The following CTNNA3 variants were observed in gnomAD, a reference collection of about 807,000 sequenced individuals.
CTNNA3 encodes the protein catenin alpha 3, also known as catenin alpha-3.
In CTNNA3, 76 loss-of-function variants were observed where a neutral mutation model predicts 95.7. The ratio of observed to expected loss-of-function variants is 0.79; its 90% CI spans 0.66 to 0.96. The LOEUF (loss-of-function observed/expected upper bound fraction) is 0.96, where lower values mean the gene tolerates loss of function less well. Ranked by LOEUF, CTNNA3 falls within the 40% of genes least tolerant of loss-of-function variation. The pLI, the probability that CTNNA3 is intolerant of heterozygous loss-of-function variation, is 0.00. For synonymous variants in CTNNA3, 431 were observed against 374.4 expected (o/e 1.15, Z -1.74); for missense variants, 1,191 against 1,089.8 (o/e 1.09, Z -1.31).
intron 7 of CTNNA3, among the ~76,000 whole-genome samples, chr10:66,793,092 A>G (rs1055169804): frequency 2.0e-5 from 3 of 152,130 alleles, no homozygotes; most frequent in Non-Finnish European, 2.9e-5. Context: ...TGGATGTCCA[A>G]TGGTAATCCA....
intron 5 of CTNNA3, among the ~76,000 whole-genome samples, chr10:67,320,364 A>G (rs757487242): frequency 3.9e-5 from 6 of 152,212 alleles, no homozygotes; most frequent in Admixed American, 2.6e-4. Flanking sequence ...AAAAGTTGTT[A>G]TTACTGTTAA....
intron 7 of CTNNA3, among the ~76,000 whole-genome samples, chr10:67,058,846 A>G (rs1412976022): frequency 6.6e-6 from 1 of 152,206 alleles, no homozygotes; most frequent in East Asian, 1.9e-4. Flanking sequence ...TCTTAGACAC[A>G]TATCAATTTC....
intron 5 of CTNNA3, among the ~76,000 whole-genome samples, chr10:67,282,524 C>T (rs1839439809): frequency 6.6e-6 from 1 of 152,164 alleles, no homozygotes; most frequent in African/African-American, 2.4e-5. Context: ...CCCATGGTAA[C>T]CTAAGTCTAC....
intron 11 of CTNNA3, among the ~76,000 whole-genome samples, chr10:66,505,394 T>G (rs1350105757): frequency 1.3e-5 from 2 of 152,222 alleles, no homozygotes; most frequent in Non-Finnish European, 2.9e-5. Flanking sequence ...TAAAGCCATG[T>G]GTACATTTCT....
intron 5 of CTNNA3, among the ~76,000 whole-genome samples, chr10:67,331,701 T>C (rs1181159858): frequency 2.0e-5 from 3 of 152,328 alleles, no homozygotes; most frequent in African/African-American, 7.2e-5. Flanking sequence ...GTATCTTTCC[T>C]AGCCAAACAT....
chr10:66,124,467 C>T (rs925018867), intron 13 of CTNNA3, among the ~76,000 whole-genome samples: 3 of 152,148 alleles, frequency 2.0e-5, no homozygotes, highest in African/African-American at 7.2e-5. Flanking sequence ...CTTCTGAGCC[C>T]TCCAAACCAT....
At chr10:66,504,827 T>C (rs986476545) in intron 11 of CTNNA3, among the ~76,000 whole-genome samples, 3 of 152,188 alleles carry the variant, frequency 2.0e-5, no homozygotes, top group African/African-American at 7.2e-5. Context: ...GAAAATAATA[T>C]GGTTTATTAA....
chr10:66,144,539 G>A (rs2083780053), intron 13 of CTNNA3, among the ~76,000 whole-genome samples: 1 of 151,826 alleles, frequency 6.6e-6, no homozygotes, highest in Non-Finnish European at 1.5e-5. Context: ...CCAGGCTGGA[G>A]TGCAATGACA....
At chr10:67,391,281 A>C (rs1844471869) in intron 5 of CTNNA3, among the ~76,000 whole-genome samples, 1 of 151,832 alleles carries the variant, frequency 6.6e-6, no homozygotes, top group Non-Finnish European at 1.5e-5. Context: ...AGAGACCCAA[A>C]TCATGAGTGA....
At chr10:66,862,663 G>A (rs1311669162) in intron 7 of CTNNA3, among the ~76,000 whole-genome samples, 2 of 152,200 alleles carry the variant, frequency 1.3e-5, no homozygotes, top group African/African-American at 2.4e-5. Flanking sequence ...CAGAAAAGGA[G>A]TGGAGGACAG....
At chr10:66,039,944 G>A (rs1231784974) in intron 15 of CTNNA3, among the ~76,000 whole-genome samples, 1 of 152,010 alleles carries the variant, frequency 6.6e-6, no homozygotes, top group Non-Finnish European at 1.5e-5. Context: ...ACCTACAGAA[G>A]GGGAGAAAAT....
intron 5 of CTNNA3, among the ~76,000 whole-genome samples, chr10:67,313,443 AAATAAT>A (rs1564558480): frequency 1.4e-5 from 2 of 145,168 alleles, no homozygotes; most frequent in South Asian, 4.4e-4. Flanking sequence ...AAAAAAAAAA[AAATAAT>A]AATAATAATA....
At chr10:66,410,397 G>C (rs2093093631) in intron 11 of CTNNA3, among the ~76,000 whole-genome samples, 1 of 152,110 alleles carries the variant, frequency 6.6e-6, no homozygotes. Flanking sequence ...AAAAACCAAA[G>C]GGGCATTTAT....
At chr10:67,423,715 A>G (rs1178201617) in intron 5 of CTNNA3, among the ~76,000 whole-genome samples, 2 of 152,200 alleles carry the variant, frequency 1.3e-5, no homozygotes, top group Non-Finnish European at 2.9e-5. Flanking sequence ...AACATTATTG[A>G]TGATTGATAA....
chr10:67,714,024 G>A (rs1261170511), intron 1 of CTNNA3, among the ~76,000 whole-genome samples: 1 of 152,138 alleles, frequency 6.6e-6, no homozygotes, highest in African/African-American at 2.4e-5. Flanking sequence ...ATGCCTAGAT[G>A]TCCACCAGGC....
intron 16 of CTNNA3, among the ~76,000 whole-genome samples, chr10:65,982,645 CAT>C (rs1050365886): frequency 6.7e-6 from 1 of 148,338 alleles, no homozygotes; most frequent in East Asian, 2.0e-4. Context: ...GTTATATATA[CAT>C]ATATATATAT....
chr10:67,611,286 C>T (rs993113456), intron 2 of CTNNA3, among the ~76,000 whole-genome samples: 2 of 151,930 alleles, frequency 1.3e-5, no homozygotes, highest in Non-Finnish European at 2.9e-5. Flanking sequence ...GCCACACTGG[C>T]ACACAATATG....
chr10:66,202,729 T>C (rs1198969001), intron 13 of CTNNA3, among the ~76,000 whole-genome samples: 1 of 152,310 alleles, frequency 6.6e-6, no homozygotes, highest in East Asian at 1.9e-4. Context: ...AATATTTTCA[T>C]TTTCTTTCCT....
intron 16 of CTNNA3, among the ~76,000 whole-genome samples, chr10:65,968,702 C>A (rs149406581): frequency 6.6e-6 from 1 of 152,324 alleles, no homozygotes; most frequent in Non-Finnish European, 1.5e-5. Context: ...TGTAGAGGAG[C>A]CTCTCTGCTT....
Sources: gnomAD v4.1 joint callset for allele counts (sites outside exome capture counted in the v4.1 genomes callset) on GRCh38, gnomAD v4.1.1 for gene constraint, MANE v1.5 for transcripts, NCBI Gene and HGNC (gene_info 2026-07-23, HGNC 2026-07-21) for gene names.